GPI: variants seen among roughly 807,000 people sequenced by gnomAD.
GPI encodes glucose-6-phosphate isomerase, also known as D-hexose-6-phosphate anomerase.
GPI carries 56 observed loss-of-function variants against 75.8 expected under a neutral mutation model. The ratio of observed to expected loss-of-function variants is 0.74; its 90% CI spans 0.60 to 0.92. The LOEUF (loss-of-function observed/expected upper bound fraction) is 0.92. Among genes scored for constraint, GPI ranks in the 40% least tolerant of loss-of-function variants. The pLI is 0.00. For missense variants in GPI, 638 were observed against 741.0 expected, an observed-to-expected ratio of 0.86 and a Z score of 1.61; for synonymous variants, 288 against 285.4, an observed-to-expected ratio of 1.01 and a Z score of -0.09.
rs764741015 is a variant in GPI, at chr19:34,393,210, G to A, written c.805-38G>A. Reference sequence around the variant, plus strand: ...CGGCAGGAGGTGGGGGGCGGGGTGTGCCGGCCCTCCCTCAGCACCTTGTCC... The same window carrying A: ...CGGCAGGAGGTGGGGGGCGGGGTGTACCGGCCCTCCCTCAGCACCTTGTCC... On this transcript the variant is annotated intron_variant, in intron 9 of 17. Coordinates refer to ENST00000356487, the MANE Select transcript of GPI (RefSeq NM_000175.5). This position sits in a 1 kb window ranked among gnomAD's most constrained non-coding sequence, Gnocchi z 4.4. The A allele has an allele frequency of 1.3e-6, 2 of 1,530,188 alleles. No individual in the cohort carries two copies. The highest frequency in any genetic ancestry group is 4.5e-5 in the East Asian group (2 of 44,468). 94.8% of individuals were successfully genotyped at this position (1,530,188 alleles called of 1,614,324 possible).
At chr19:34,360,476 G>A (rs539731360), upstream of GPI, among the ~76,000 whole-genome samples, 22 of 152,238 alleles carry the variant, frequency 1.4e-4, no homozygotes, top group Non-Finnish European at 2.9e-4. Flanking sequence ...GGTCATGCCT[G>A]TAGTTCTAGC....
intron 3 of GPI, chr19:34,367,261 G>C: frequency 2.9e-6 from 1 of 343,508 alleles, no homozygotes. Flanking sequence ...AGGCCTGGGG[G>C]CCCCTGTTCC....
intron 9 of GPI, among the ~76,000 whole-genome samples, chr19:34,382,333 G>A (rs188518388): frequency 1.3e-5 from 2 of 152,294 alleles, no homozygotes; most frequent in Non-Finnish European, 2.9e-5. Context: ...TTTGCTTGGT[G>A]ATGGCATCCA....
intron 9 of GPI, among the ~76,000 whole-genome samples, chr19:34,385,374 A>G (rs915912099): frequency 6.6e-6 from 1 of 151,952 alleles, no homozygotes; most frequent in Non-Finnish European, 1.5e-5. Context: ...AAAAAAAAAA[A>G]AAGAAAAAAG....
intron 4 of GPI, among the ~76,000 whole-genome samples, 167 bp from the exon 5 acceptor site, chr19:34,377,336 A>AAAAAAAAAT (rs2074558981): frequency 2.0e-5 from 1 of 49,340 alleles, no homozygotes; most frequent in Non-Finnish European, 3.2e-5. Flanking sequence ...AAAAAAAAAA[A>AAAAAAAAAT]ATATATATAT....
chr19:34,381,374 G>C (rs765248847), intron 8 of GPI, 92 bp from the exon 9 acceptor site: 2 of 877,734 alleles, frequency 2.3e-6, no homozygotes. Context: ...CTCAGCTCAC[G>C]GAGCACAGCT....
In GPI at chr19:34,379,985, G is replaced by GTTTTTTTTT. The variant is rs1356302354; in HGVS notation, c.750+427_750+428insTTTTTTTTT. 8.3e-4 allele frequency: 106 copies of GTTTTTTTTT among 127,950 alleles called. 24 individuals carry two copies. The highest frequency in any genetic ancestry group is 1.3e-3 in the Admixed American group (15 of 11,522). The allele number at this position is 127,950 out of a possible 1,614,324, so 7.9% of individuals were successfully genotyped here. A position where few individuals can be genotyped will look rare whatever the true frequency, so the allele number is the denominator to read the frequency against. The stretch of plus-strand genomic sequence containing the variant: ...TTTTGCCCCCTACTTAGTGTGTGTG[G>GTTTTTTTTT]TTTTGTTTTTTTTTTTTTTTTTTTT... On this transcript the variant is annotated intron_variant, in intron 8 of 17. Coordinates refer to ENST00000356487, the MANE Select transcript of GPI (RefSeq NM_000175.5).
chr19:34,379,578 G>T lies in GPI; in HGVS notation c.750+16G>T, dbSNP rs1270522539. On this transcript the variant is annotated intron_variant, in intron 8 of 17. Coordinates refer to ENST00000356487, the MANE Select transcript of GPI (RefSeq NM_000175.5). ...TACTAACACAGTAAGTGCCCCCGTG[G>T]TCCCCTGTACTGCCTTCCTGGGAGT... The T allele has an allele frequency of 6.2e-7, 1 of 1,609,170 alleles. No individual in the cohort carries two copies. The highest frequency in any genetic ancestry group is 8.5e-7 in the Non-Finnish European group (1 of 1,175,464).
intron 4 of GPI, among the ~76,000 whole-genome samples, chr19:34,373,073 AT>A (rs201185997): frequency 0.022 from 3,079 of 141,476 alleles, 106 homozygotes; most frequent in African/African-American, 0.071. Context: ...TGCCCAGCCT[AT>A]TTTTTTTTTT....
At chr19:34,386,345 T>C (rs545919877) in intron 9 of GPI, among the ~76,000 whole-genome samples, 38 of 148,282 alleles carry the variant, frequency 2.6e-4, no homozygotes, top group African/African-American at 9.5e-4. Context: ...CACAGGTAGG[T>C]AGAGATAGCC....
intron 12 of GPI, among the ~76,000 whole-genome samples, chr19:34,395,245 T>C (rs564136643): frequency 9.9e-5 from 15 of 152,188 alleles, no homozygotes; most frequent in African/African-American, 3.6e-4. Flanking sequence ...GGCTGTACTC[T>C]TAGCCAGGCA....
At chr19:34,387,730 A>G (rs756863116) in intron 9 of GPI, among the ~76,000 whole-genome samples, 4 of 152,222 alleles carry the variant, frequency 2.6e-5, no homozygotes, top group Non-Finnish European at 5.9e-5. Context: ...CTGTGGATCC[A>G]GGCTCAGTTC....
chr19:34,365,025 G>A, upstream of GPI: 3 of 1,527,396 alleles, frequency 2.0e-6, no homozygotes, highest in South Asian at 1.2e-5. Context: ...AAGAGGTAGG[G>A]AGAGAGGAGC....
At chr19:34,392,936 TGAG>T in intron 9 of GPI, 1 of 439,354 alleles carries the variant, frequency 2.3e-6, no homozygotes, top group East Asian at 4.9e-5. Context: ...TGTCCGTGTC[TGAG>T]GAGGTGGGCC....
intron 4 of GPI, among the ~76,000 whole-genome samples, chr19:34,373,229 TACAA>T (rs1568330278): frequency 6.6e-6 from 1 of 151,896 alleles, no homozygotes; most frequent in African/African-American, 2.4e-5. Flanking sequence ...CTACTAAAAA[TACAA>T]ACAAAATTAG....
intron 9 of GPI, among the ~76,000 whole-genome samples, chr19:34,385,364 A>AC (rs1394411903): frequency 1.3e-5 from 2 of 151,618 alleles, no homozygotes; most frequent in African/African-American, 4.8e-5. Flanking sequence ...AAAAAACAAA[A>AC]AAAAAAAAAA....
chr19:34,367,664 C>A (rs2145322421), intron 3 of GPI, among the ~76,000 whole-genome samples: 1 of 152,288 alleles, frequency 6.6e-6, no homozygotes, highest in Non-Finnish European at 1.5e-5. Flanking sequence ...CTCAAGGACT[C>A]CTCTGCTGAC....
intron 9 of GPI, among the ~76,000 whole-genome samples, chr19:34,384,776 C>G (rs1384396172): frequency 1.3e-5 from 2 of 152,146 alleles, no homozygotes; most frequent in African/African-American, 4.8e-5. Context: ...GGCACAGTGG[C>G]TCACACCTAT....
At chr19:34,366,949 G>C in intron 3 of GPI, 98 bp downstream of exon 3, 1 of 947,096 alleles carries the variant, frequency 1.1e-6, no homozygotes, top group Non-Finnish European at 1.7e-6. Flanking sequence ...CCCTTCTCTT[G>C]GGCAATGCTT....
Sources: gnomAD v4.1 joint callset for allele counts (sites outside exome capture counted in the v4.1 genomes callset) on GRCh38, gnomAD v4.1.1 for gene constraint, Gnocchi (gnomAD v3.1) non-coding constraint, MANE v1.5 for transcripts, NCBI Gene and HGNC (gene_info 2026-07-23, HGNC 2026-07-21) for gene names.